The following UBAP2 variants were observed in gnomAD, a reference collection of about 807,000 sequenced individuals.
UBAP2 encodes the protein ubiquitin-associated protein 2.
Under a neutral mutation model 139.6 loss-of-function variants are expected in UBAP2, and 75 were observed. The ratio of observed to expected loss-of-function variants is 0.54; its 90% CI spans 0.45 to 0.65. The LOEUF is 0.65. Among genes scored for constraint, UBAP2 ranks in the 30% least tolerant of loss-of-function variants. UBAP2 has a pLI of 0.00. For synonymous variants in UBAP2, 526 were observed against 526.2 expected (o/e 1.00, Z 0.01); for missense variants, 1,368 against 1,369.6 (o/e 1.00, Z 0.02).
chr9:34,048,766 A>C (rs1387647432), intron 1 of UBAP2, 59 bp downstream of exon 1: 1 of 152,128 alleles, frequency 6.6e-6, no homozygotes, highest in African/African-American at 2.4e-5. Context: ...ATTAGAAAGC[A>C]CACGCTGCAG....
rs759008934 is a variant in UBAP2 at position 33,971,714 on chromosome 9, C to G, written c.616G>C (p.Asp206His). The change falls in exon 8 of 29, where the codon GAT (aspartate) becomes CAT (histidine). Residue 206 changes from aspartate (D) to histidine (H), a missense_variant. Physicochemically the swap from Asp to His is moderately conservative, Grantham distance 81. Coordinates refer to ENST00000379238, the MANE Select transcript of UBAP2 (RefSeq NM_001370062.2). The stretch of plus-strand genomic sequence containing the variant: ...ACTACTAGCTTTGTCCCACACACAT[C>G]TGTAGATGTAGAATCTGAATAGTCT... ...PADYSDSTST[D>H]VCGTKLVVWE... 1.2e-6 allele frequency: 2 copies of G among 1,612,482 alleles called. No individual in the cohort carries two copies. Among genetic ancestry groups the G allele is most frequent in the Admixed American group, 3.3e-5 (2 of 60,000 alleles).
chr9:33,927,703 G>A (rs1823573164), intron 20 of UBAP2, 94 bp downstream of exon 20: 1 of 1,369,350 alleles, frequency 7.3e-7, no homozygotes, highest in South Asian at 1.4e-5. Flanking sequence ...GCGGGCCTGA[G>A]ACTCTCCTGA....
At chr9:34,003,059 G>GTTTTTTTTTTTTTT (rs11420628) in intron 2 of UBAP2, among the ~76,000 whole-genome samples, 1 of 148,140 alleles carries the variant, frequency 6.8e-6, no homozygotes, top group Non-Finnish European at 1.5e-5. Context: ...TTCTTTCGTT[G>GTTTTTTTTTTTTTT]TTTTTTTTTT....
chr9:34,024,084 C>T (rs1464328769), intron 1 of UBAP2, among the ~76,000 whole-genome samples: 2 of 148,394 alleles, frequency 1.3e-5, no homozygotes, highest in Non-Finnish European at 3.0e-5. Flanking sequence ...CAAGGATGGG[C>T]GCGGTGGCAC....
chr9:33,972,004 G>A (rs931523767), intron 7 of UBAP2, among the ~76,000 whole-genome samples: 1 of 152,110 alleles, frequency 6.6e-6, no homozygotes, highest in Non-Finnish European at 1.5e-5. Flanking sequence ...CCTGAAACAC[G>A]GTCCTCTGCA....
At chr9:33,924,591 C>A (rs543526196) in intron 22 of UBAP2, among the ~76,000 whole-genome samples, 1 of 152,338 alleles carries the variant, frequency 6.6e-6, no homozygotes, top group East Asian at 1.9e-4. Flanking sequence ...TCGGGCTGAA[C>A]CAACTTCGCT....
intron 4 of UBAP2, chr9:33,995,434 CA>C (rs1247051042): frequency 3.9e-5 from 5 of 129,180 alleles, no homozygotes; most frequent in Admixed American, 2.6e-4. Flanking sequence ...TATTATTAAA[CA>C]AATATTATAA....
chr9:33,973,067 TA>T, intron 7 of UBAP2, 115 bp downstream of exon 7: 1 of 884,800 alleles, frequency 1.1e-6, no homozygotes, highest in East Asian at 2.5e-5. Context: ...TCTCTTTAAG[TA>T]TAGAAAACAC....
At chr9:33,936,032 C>T (rs1770187854) in intron 16 of UBAP2, among the ~76,000 whole-genome samples, 154 bp from the exon 17 acceptor site, 3 of 152,210 alleles carry the variant, frequency 2.0e-5, no homozygotes, top group Non-Finnish European at 2.9e-5. Flanking sequence ...AACAAACTCT[C>T]ATGCAAGAAC....
chr9:34,003,614 T>G (rs1293989724), intron 2 of UBAP2, among the ~76,000 whole-genome samples: 2 of 152,084 alleles, frequency 1.3e-5, no homozygotes, highest in South Asian at 2.1e-4. Context: ...ACCATGTTAT[T>G]CAGGCTGGTC....
chr9:33,949,453 A>G (rs12378019), intron 12 of UBAP2, among the ~76,000 whole-genome samples: 11,995 of 152,242 alleles, frequency 0.079, 680 homozygotes, highest in Non-Finnish European at 0.12. Context: ...CTGTAACCCC[A>G]GCACTTTGGG....
Position 33,935,874 on chromosome 9 carries a change from C to G in UBAP2, c.1934G>C (p.Gly645Ala), listed in dbSNP as rs1824464259. The G allele has an allele frequency of 6.2e-7, 1 of 1,612,582 alleles. No homozygotes were observed. Among genetic ancestry groups the G allele is most frequent in the East Asian group, 2.2e-5 (1 of 44,878 alleles). ...SESAPGTIMN[G>A]HGGGRSQQTL... ...CTGCTGACTTCGACCACCACCATGT[C>G]CATTCTATAAGGAAAAGAAGAGAAG... The change falls in exon 17 of 29, where the codon GGA becomes GCA. Residue 645 changes from glycine to alanine, a missense_variant. Gly to Ala is a moderately conservative substitution (Grantham distance 60). Coordinates refer to ENST00000379238, the MANE Select transcript of UBAP2 (RefSeq NM_001370062.2).
chr9:33,977,959 G>C lies in UBAP2; in HGVS notation c.521-4722C>G, dbSNP rs967300531. Among the ~76,000 whole-genome samples, 22 of 146,644 alleles carry C rather than the reference G, an allele frequency of 1.5e-4. 1 individual carries two copies. Among genetic ancestry groups the C allele is most frequent in the Middle Eastern group, 6.9e-3 (2 of 290 alleles). ...GAACCCGGGAGGCAGAGGTTGCAGT[G>C]AGCCAAGATCGCACCACTGCACTCC... On this transcript the variant is annotated intron_variant, in intron 6 of 28. Transcript: ENST00000379238.
chr9:34,014,769 G>A (rs1208870256), intron 2 of UBAP2, among the ~76,000 whole-genome samples: 2 of 81,064 alleles, frequency 2.5e-5, no homozygotes, highest in Admixed American at 1.6e-4. Context: ...GACAGACTCC[G>A]TCTCAAAAAA....
At chr9:33,941,893 T>C in intron 15 of UBAP2, 31 bp from the exon 16 acceptor site, 1 of 1,558,996 alleles carries the variant, frequency 6.4e-7, no homozygotes, top group South Asian at 1.1e-5. Context: ...TCAACATAAT[T>C]TTGTTACTTT....
Position 33,922,441 on chromosome 9 carries a change from G to T in UBAP2, c.*63C>A. 1 of 1,517,738 alleles carries T rather than the reference G, an allele frequency of 6.6e-7. No individual in the cohort carries two copies. The highest frequency in any genetic ancestry group is 9.0e-7 in the Non-Finnish European group (1 of 1,108,358). The allele number at this position is 1,517,738 out of a possible 1,614,324, so 94.0% of individuals were successfully genotyped here. A position where few individuals can be genotyped will look rare whatever the true frequency, so the allele number is the denominator to read the frequency against. On this transcript the variant is annotated 3_prime_UTR_variant, in exon 29 of 29. Coordinates refer to ENST00000379238, the MANE Select transcript of UBAP2 (RefSeq NM_001370062.2). ...GAAAGGGCACTGGGCTCCCAAATAC[G>T]TGCTCGTGTGTTCTCTCCTGCCCAG... is the stretch of plus-strand genomic sequence containing the variant.
At chr9:34,049,145 C>T (rs1194009078), upstream of UBAP2, among the ~76,000 whole-genome samples, 1 of 152,190 alleles carries the variant, frequency 6.6e-6, no homozygotes. Flanking sequence ...AGAGTATTAC[C>T]CACCGCATAC....
intron 2 of UBAP2, among the ~76,000 whole-genome samples, chr9:34,006,898 A>G (rs886610874): frequency 1.3e-5 from 2 of 152,210 alleles, no homozygotes; most frequent in African/African-American, 4.8e-5. Context: ...TGACTACTGA[A>G]CATATTATTT....
intron 1 of UBAP2, among the ~76,000 whole-genome samples, chr9:34,029,584 C>A (rs915980483): frequency 9.9e-5 from 15 of 151,960 alleles, no homozygotes; most frequent in Non-Finnish European, 7.4e-5. Context: ...ACCTGTAATC[C>A]CAATACTTTG....
Sources: gnomAD v4.1 joint callset for allele counts (sites outside exome capture counted in the v4.1 genomes callset) on GRCh38, gnomAD v4.1.1 for gene constraint, MANE v1.5 for transcripts, NCBI Gene and HGNC (gene_info 2026-07-23, HGNC 2026-07-21) for gene names.